The following LTBP1 variants were observed in gnomAD, a reference collection of about 807,000 sequenced individuals.
LTBP1 encodes latent-transforming growth factor beta-binding protein 1.
LTBP1 carries 129 observed loss-of-function variants against 207.6 expected under a neutral mutation model. That is an observed-to-expected ratio of 0.62 (90% CI 0.54 to 0.72). The LOEUF is 0.72. Among genes scored for constraint, LTBP1 ranks in the 30% least tolerant of loss-of-function variants. The probability of loss-of-function intolerance (pLI) is 0.00; values close to 1 mark genes in which losing one functional copy is unlikely to be tolerated. For synonymous variants in LTBP1, 963 were observed against 833.7 expected (o/e 1.16, Z -2.67); for missense variants, 2,281 against 2,217.2 (o/e 1.03, Z -0.58).
At chr2:33,397,303 A>T in intron 33 of LTBP1, 21 bp downstream of exon 33, 2 of 1,612,668 alleles carry the variant, frequency 1.2e-6, no homozygotes, top group South Asian at 1.1e-5. Context: ...CGTGTGTTTT[A>T]TGGGACATTA....
In LTBP1 at chr2:33,257,292, A is replaced by G; in HGVS notation, c.2176A>G (p.Lys726Glu). 6.2e-7 allele frequency: 1 copy of G among 1,612,110 alleles called. No individual in the cohort carries two copies. Among genetic ancestry groups the G allele is most frequent in the Non-Finnish European group, 8.5e-7 (1 of 1,178,224 alleles). Residue 726 changes from lysine to glutamate, a missense_variant, in exon 12 of 34, where the codon AAG becomes GAG. Transcript: ENST00000404816. ...TCCCATCCCAAATCTAGCTGCTTTT[A>G]AGGAAATCTGTCCTGGTGGAATGGG... is the stretch of plus-strand genomic sequence containing the variant. ...KCPLPGTAAFKEICPGGMGYT... is the reference protein window; with the variant it reads ...KCPLPGTAAFEEICPGGMGYT...
At chr2:33,158,164 A>G (rs200995672) in intron 5 of LTBP1, among the ~76,000 whole-genome samples, 1,299 of 101,924 alleles carry the variant, frequency 0.013, 9 homozygotes, top group Non-Finnish European at 0.019. Context: ...AAAAAAAAAA[A>G]AGAGAGAGAG....
intron 2 of LTBP1, among the ~76,000 whole-genome samples, chr2:32,950,285 G>A (rs1472585745): frequency 1.3e-5 from 2 of 152,116 alleles, no homozygotes; most frequent in African/African-American, 2.4e-5. Flanking sequence ...GGCCTGGTGC[G>A]GTGACTCATG....
chr2:33,017,741 C>T (rs1214303940), intron 2 of LTBP1, among the ~76,000 whole-genome samples: 1 of 152,150 alleles, frequency 6.6e-6, no homozygotes, highest in African/African-American at 2.4e-5. Context: ...CTCAGCCTCC[C>T]GAGTAGCTGG....
intron 31 of LTBP1, among the ~76,000 whole-genome samples, chr2:33,383,783 C>T (rs774086875): frequency 5.3e-5 from 8 of 152,138 alleles, no homozygotes; most frequent in Non-Finnish European, 1.0e-4. Context: ...GTGATCTGCC[C>T]ACCTCAGCCT....
intron 2 of LTBP1, among the ~76,000 whole-genome samples, chr2:32,993,672 C>T (rs1684790333): frequency 6.6e-6 from 1 of 152,102 alleles, no homozygotes; most frequent in African/African-American, 2.4e-5. Flanking sequence ...GTGGGGAAAA[C>T]AGGACTCCGT....
intron 5 of LTBP1, among the ~76,000 whole-genome samples, chr2:33,177,969 C>G (rs963407075): frequency 1.3e-5 from 2 of 152,112 alleles, no homozygotes; most frequent in African/African-American, 2.4e-5. Context: ...TACCTGCACC[C>G]CTCTGTACCC....
chr2:33,269,700 G>A (rs917402973), intron 15 of LTBP1, among the ~76,000 whole-genome samples: 3 of 152,132 alleles, frequency 2.0e-5, no homozygotes, highest in Admixed American at 6.5e-5. Flanking sequence ...TGATCTACTC[G>A]GTGGGAAAAG....
At chr2:33,140,930 A>G (rs1312098197) in intron 5 of LTBP1, among the ~76,000 whole-genome samples, 1 of 152,206 alleles carries the variant, frequency 6.6e-6, no homozygotes, top group Non-Finnish European at 1.5e-5. Flanking sequence ...CAGCCTCCCA[A>G]AGGGATTACA....
chr2:33,033,649 G>A (rs2075787965), intron 3 of LTBP1, among the ~76,000 whole-genome samples: 3 of 150,374 alleles, frequency 2.0e-5, no homozygotes, highest in Non-Finnish European at 3.0e-5. Context: ...ATGTTCTACA[G>A]AAACAGCAAT....
intron 26 of LTBP1, among the ~76,000 whole-genome samples, chr2:33,358,909 C>T (rs894340829): frequency 8.5e-5 from 13 of 152,100 alleles, no homozygotes; most frequent in African/African-American, 2.7e-4. Context: ...GCCCTTCTAA[C>T]GAAGATCCGT....
chr2:32,949,479 G>A (rs542990293), intron 2 of LTBP1, among the ~76,000 whole-genome samples: 3 of 152,240 alleles, frequency 2.0e-5, no homozygotes, highest in East Asian at 3.9e-4. Flanking sequence ...CTGATGGATG[G>A]GGTTCTCTGC....
intron 32 of LTBP1, among the ~76,000 whole-genome samples, chr2:33,395,897 C>A (rs946281122): frequency 6.9e-6 from 1 of 145,004 alleles, no homozygotes; most frequent in Non-Finnish European, 1.5e-5. Context: ...ATAGAAAGTT[C>A]TAGCCATATA....
intron 7 of LTBP1, among the ~76,000 whole-genome samples, chr2:33,194,032 G>A (rs112147746): frequency 0.012 from 1,793 of 151,910 alleles, 34 homozygotes; most frequent in African/African-American, 0.042. Context: ...TGTTACCCAG[G>A]CTGGAGTGCA....
At chr2:33,358,985 G>A (rs1411785024) in intron 26 of LTBP1, among the ~76,000 whole-genome samples, 1 of 152,162 alleles carries the variant, frequency 6.6e-6, no homozygotes, top group Admixed American at 6.6e-5. Context: ...GACCAGATGA[G>A]GGAAGTGGCA....
At chr2:33,152,745 G>A (rs2083642966) in intron 5 of LTBP1, among the ~76,000 whole-genome samples, 1 of 152,032 alleles carries the variant, frequency 6.6e-6, no homozygotes, top group South Asian at 2.1e-4. Flanking sequence ...TATCTTCTTT[G>A]GAGAAATGTC....
chr2:33,073,717 C>T (rs1262289817), intron 3 of LTBP1, among the ~76,000 whole-genome samples: 2 of 152,062 alleles, frequency 1.3e-5, no homozygotes, highest in Non-Finnish European at 2.9e-5. Context: ...ACCTCCGCCT[C>T]CCAGGTTCAA....
chr2:33,145,563 C>G (rs991074207), intron 5 of LTBP1, among the ~76,000 whole-genome samples: 11 of 152,232 alleles, frequency 7.2e-5, no homozygotes, highest in Admixed American at 2.6e-4. Context: ...GAATATGTCA[C>G]TTTTCGCCAC....
intron 2 of LTBP1, among the ~76,000 whole-genome samples, chr2:32,950,656 G>C (rs1230828738): frequency 1.3e-5 from 2 of 152,100 alleles, no homozygotes; most frequent in African/African-American, 4.8e-5. Context: ...GCCTGTACCT[G>C]GGTAGGGGAG....
Sources: gnomAD v4.1 joint callset for allele counts (sites outside exome capture counted in the v4.1 genomes callset) on GRCh38, gnomAD v4.1.1 for gene constraint, MANE v1.5 for transcripts, NCBI Gene and HGNC (gene_info 2026-07-23, HGNC 2026-07-21) for gene names.